Variants in STK3 observed in about 807,000 individuals in gnomAD.
STK3 encodes serine/threonine-protein kinase 3.
STK3 carries 41 observed loss-of-function variants against 58.0 expected under a neutral mutation model. The ratio of observed to expected loss-of-function variants is 0.71; its 90% CI spans 0.55 to 0.92. The LOEUF (loss-of-function observed/expected upper bound fraction) is 0.92, where lower values mean the gene tolerates loss of function less well. Among genes scored for constraint, STK3 ranks in the 40% least tolerant of loss-of-function variants. STK3 has a pLI of 0.00. For synonymous variants in STK3, 170 were observed against 191.0 expected (o/e 0.89, Z 0.91); for missense variants, 479 against 602.7 (o/e 0.79, Z 2.15).
rs554833639 is a variant in STK3, at chr8:98,757,246, T to C, written c.237-7856A>G. Among the ~76,000 whole-genome samples the C allele has an allele frequency of 2.0e-5, 3 of 151,012 alleles. No individual in the cohort carries two copies. In the South Asian group the frequency reaches 6.3e-4, roughly 32 times the overall value. ...CCCAGGCTAGAGTGCATTGGCGCGA[T>C]CTCGGCTCACTGCAACCTCTGCCTC... On this transcript the variant is annotated intron_variant, in intron 3 of 10. Transcript: ENST00000419617.
rs567818188 is a variant in STK3 at position 98,594,789 on chromosome 8, A to G, written c.822+1243T>C. 2.6e-5 allele frequency: 4 copies of G among 152,306 alleles called. No homozygotes were observed. In the East Asian group the frequency reaches 7.7e-4, roughly 29 times the overall value. 9.4% of individuals were successfully genotyped at this position (152,306 alleles called of 1,614,324 possible). A position where few individuals can be genotyped will look rare whatever the true frequency, so the allele number is the denominator to read the frequency against. On this transcript the variant is annotated intron_variant, in intron 7 of 10. Coordinates refer to ENST00000419617, the MANE Select transcript of STK3 (RefSeq NM_006281.4). ...AGTATTTGCACATAACCCAAATCGCAAAAGTCTCATAAACAGTTTTCATCA... is the reference window on the plus strand; with the variant it reads ...AGTATTTGCACATAACCCAAATCGCGAAAGTCTCATAAACAGTTTTCATCA...
chr8:98,561,964 A>AAC (rs1328436760), intron 8 of STK3, among the ~76,000 whole-genome samples: 2 of 152,186 alleles, frequency 1.3e-5, no homozygotes, highest in Admixed American at 1.3e-4. Flanking sequence ...GATACCACTA[A>AAC]ACACCTTTTA....
At chr8:98,375,741 C>A (rs2130994716) in intron 2 of STK3, among the ~76,000 whole-genome samples, 1 of 152,238 alleles carries the variant, frequency 6.6e-6, no homozygotes, top group African/African-American at 2.4e-5. Flanking sequence ...AAAGCCCATT[C>A]CTTTTCATTA....
At chr8:98,836,970 C>A (rs1835769489) in intron 3 of STK3, among the ~76,000 whole-genome samples, 1 of 152,092 alleles carries the variant, frequency 6.6e-6, no homozygotes, top group Admixed American at 6.6e-5. Context: ...TCAATGATAT[C>A]ATTACATATC....
intron 3 of STK3, among the ~76,000 whole-genome samples, chr8:98,840,241 G>A (rs1587733188): frequency 6.6e-6 from 1 of 151,296 alleles, no homozygotes. Flanking sequence ...CAGCCACTCA[G>A]GAGGCTGAGG....
intron 8 of STK3, among the ~76,000 whole-genome samples, chr8:98,557,585 C>G (rs1214855803): frequency 6.6e-6 from 1 of 152,062 alleles, no homozygotes. Flanking sequence ...AATAGCCGCC[C>G]TTAAGTGCCA....
chr8:98,715,477 G>C (rs1374510749), intron 4 of STK3, among the ~76,000 whole-genome samples: 16 of 151,788 alleles, frequency 1.1e-4, no homozygotes, highest in Admixed American at 1.0e-3. Flanking sequence ...CAAAGGATAT[G>C]AACAGACACT....
chr8:98,776,866 C>T (rs997260686), intron 1 of STK3, among the ~76,000 whole-genome samples: 1 of 151,460 alleles, frequency 6.6e-6, no homozygotes, highest in South Asian at 2.1e-4. Context: ...CTGGCTAACA[C>T]GGTGAAACCC....
At position 98,413,881 on chromosome 8, in the gene STK3, G is replaced by A. The variant is rs1033103640; in HGVS notation, n.484-12368C>T. The stretch of plus-strand genomic sequence containing the variant: ...GGTGTGTCAAGAGGGAGTTTTCGTA[G>A]GCATCCTCCATTTAACTGGTTCACA... On this transcript the variant is annotated intron_variant and non_coding_transcript_variant, in intron 3 of 3. Coordinates refer to the STK3 transcript ENST00000517832. The A allele has an allele frequency of 4.1e-6, 2 of 482,138 alleles. 1 individual carries two copies. The highest frequency in any genetic ancestry group is 4.1e-5 in the South Asian group (2 of 49,362). 29.9% of individuals were successfully genotyped at this position (482,138 alleles called of 1,614,324 possible).
At chr8:98,495,545 C>T (rs557586612) in intron 10 of STK3, among the ~76,000 whole-genome samples, 10 of 152,238 alleles carry the variant, frequency 6.6e-5, no homozygotes, top group African/African-American at 2.2e-4. Context: ...ATTAGCCAAA[C>T]CTTCTGTTTT....
chr8:98,862,642 C>A (rs1004930225), intron 3 of STK3, among the ~76,000 whole-genome samples: 17 of 152,210 alleles, frequency 1.1e-4, no homozygotes, highest in Non-Finnish European at 2.1e-4. Context: ...CAAATATCAC[C>A]AGTCACAGTC....
chr8:98,572,625 C>T (rs893228506), intron 8 of STK3, among the ~76,000 whole-genome samples: 28 of 152,126 alleles, frequency 1.8e-4, no homozygotes, highest in Non-Finnish European at 1.0e-4. Context: ...AAATAAATGG[C>T]AATGTAGGAT....
At chr8:98,540,678 C>T (rs1810176182) in intron 9 of STK3, among the ~76,000 whole-genome samples, 1 of 152,108 alleles carries the variant, frequency 6.6e-6, no homozygotes, top group African/African-American at 2.4e-5. Context: ...TTAGCAACCA[C>T]TGCCGTGTGC....
chr8:98,699,693 G>T (rs544216575), intron 6 of STK3, among the ~76,000 whole-genome samples: 1 of 152,176 alleles, frequency 6.6e-6, no homozygotes, highest in African/African-American at 2.4e-5. Flanking sequence ...CATGAACCGC[G>T]AATGCTGCTG....
At chr8:98,861,022 T>C (rs1198984627) in intron 3 of STK3, among the ~76,000 whole-genome samples, 3 of 151,916 alleles carry the variant, frequency 2.0e-5, no homozygotes, top group Non-Finnish European at 4.4e-5. Context: ...ATCACACCAC[T>C]ACACTCCAGC....
chr8:98,375,279 A>G (rs1365738269), intron 2 of STK3, among the ~76,000 whole-genome samples: 1 of 148,632 alleles, frequency 6.7e-6, no homozygotes, highest in African/African-American at 2.5e-5. Flanking sequence ...AACAAAAAAA[A>G]ACAAAAAAAA....
intron 1 of STK3, among the ~76,000 whole-genome samples, chr8:98,446,786 G>A (rs553947484): frequency 3.8e-4 from 58 of 152,148 alleles, no homozygotes; most frequent in Non-Finnish European, 5.9e-4. Context: ...ACATATGCAC[G>A]CAAATGTTCA....
intron 3 of STK3, among the ~76,000 whole-genome samples, chr8:98,396,069 T>G (rs1169287286): frequency 3.3e-5 from 5 of 152,230 alleles, no homozygotes; most frequent in South Asian, 4.1e-4. Context: ...TTTGAAACAC[T>G]GTCAAATGCA....
chr8:98,424,965 G>A (rs1009218622), intron 3 of STK3, among the ~76,000 whole-genome samples: 1 of 152,188 alleles, frequency 6.6e-6, no homozygotes, highest in Non-Finnish European at 1.5e-5. Flanking sequence ...GCCCATGAAG[G>A]CTGTCCCGTA....
Sources: allele counts gnomAD v4.1 joint callset (sites outside exome capture counted in the v4.1 genomes callset), GRCh38; gene constraint gnomAD v4.1.1; transcripts MANE v1.5; gene names NCBI Gene and HGNC (gene_info 2026-07-23, HGNC 2026-07-21).